The following PDLIM5 variants were observed in gnomAD, a reference collection of about 807,000 sequenced individuals.
PDLIM5 encodes the protein PDZ and LIM domain 5.
Under a neutral mutation model 64.2 loss-of-function variants are expected in PDLIM5, and 34 were observed. That is an observed-to-expected ratio of 0.53 (90% CI 0.40 to 0.71). The LOEUF (loss-of-function observed/expected upper bound fraction) is 0.71. Among genes scored for constraint, PDLIM5 ranks in the 30% least tolerant of loss-of-function variants. The pLI is 0.00. For synonymous variants in PDLIM5, 253 were observed against 269.1 expected, an observed-to-expected ratio of 0.94 and a Z score of 0.59; for missense variants, 683 against 733.6, an observed-to-expected ratio of 0.93 and a Z score of 0.80.
chr4:94,490,134 G>T (rs549783254), intron 2 of PDLIM5, among the ~76,000 whole-genome samples: 38 of 151,598 alleles, frequency 2.5e-4, no homozygotes, highest in Admixed American at 2.4e-3. Flanking sequence ...ACTGTGGGGG[G>T]TATAATCTTA....
At chr4:94,458,268 G>T (rs1308741076) in intron 2 of PDLIM5, among the ~76,000 whole-genome samples, 1 of 152,034 alleles carries the variant, frequency 6.6e-6, no homozygotes, top group Non-Finnish European at 1.5e-5. Flanking sequence ...TTAATTAATA[G>T]TATCAAGAAA....
At position 94,618,209 on chromosome 4, in the gene PDLIM5, C is replaced by G; in HGVS notation, c.1108+18C>G. 6.5e-7 allele frequency: 1 copy of G among 1,532,000 alleles called. No individual in the cohort carries two copies. The highest frequency in any genetic ancestry group is 1.2e-5 in the South Asian group (1 of 82,224). 94.9% of individuals were successfully genotyped at this position (1,532,000 alleles called of 1,614,324 possible). ...CCAAGGAGGTAGCCCAGAGAAATCT[C>G]TTGCGTCTTGCTTTTCGTAATGAGT... On this transcript the variant is annotated intron_variant, in intron 8 of 12. Transcript: ENST00000317968.
At chr4:94,463,093 A>T (rs1724043149) in intron 2 of PDLIM5, among the ~76,000 whole-genome samples, 1 of 152,156 alleles carries the variant, frequency 6.6e-6, no homozygotes, top group Non-Finnish European at 1.5e-5. Flanking sequence ...CTCTATCTTA[A>T]CCTATTACTC....
At chr4:94,632,601 T>G (rs1740245715) in intron 8 of PDLIM5, among the ~76,000 whole-genome samples, 1 of 152,156 alleles carries the variant, frequency 6.6e-6, no homozygotes, top group African/African-American at 2.4e-5. Flanking sequence ...TGTGACTATG[T>G]TATGTTATAT....
At chr4:94,648,265 A>AG (rs940000292) in intron 9 of PDLIM5, among the ~76,000 whole-genome samples, 5 of 152,122 alleles carry the variant, frequency 3.3e-5, no homozygotes, top group African/African-American at 1.2e-4. Context: ...TAAACTACCA[A>AG]GAAAAAAAAA....
chr4:94,547,137 A>G (rs954886754), intron 3 of PDLIM5, among the ~76,000 whole-genome samples: 2 of 152,120 alleles, frequency 1.3e-5, no homozygotes, highest in African/African-American at 4.8e-5. Flanking sequence ...TCCAAAAATT[A>G]TTTACCTGTG....
chr4:94,553,457 C>A (rs770916639), intron 3 of PDLIM5, among the ~76,000 whole-genome samples: 1 of 152,188 alleles, frequency 6.6e-6, no homozygotes, highest in Non-Finnish European at 1.5e-5. Context: ...TGCGATAGTA[C>A]TTCTCTTGCC....
chr4:94,456,570 G>A, intron 2 of PDLIM5: 1 of 707,114 alleles, frequency 1.4e-6, no homozygotes. Flanking sequence ...ATATAAGGAG[G>A]TATGTGTGTT....
At chr4:94,514,431 G>A (rs967680337) in intron 2 of PDLIM5, among the ~76,000 whole-genome samples, 3 of 152,096 alleles carry the variant, frequency 2.0e-5, no homozygotes, top group Non-Finnish European at 4.4e-5. Context: ...ACTTCGCCTG[G>A]CCTCGGTTTG....
At chr4:94,452,669 A>T (rs1229526304) in intron 1 of PDLIM5, among the ~76,000 whole-genome samples, 1 of 152,176 alleles carries the variant, frequency 6.6e-6, no homozygotes, top group Non-Finnish European at 1.5e-5. Flanking sequence ...GTTTTACAAT[A>T]AGTGGAAAAA....
At chr4:94,590,051 T>C (rs1191664397) in intron 7 of PDLIM5, among the ~76,000 whole-genome samples, 1 of 152,172 alleles carries the variant, frequency 6.6e-6, no homozygotes, top group Non-Finnish European at 1.5e-5. Context: ...AGTGCTGGGA[T>C]TACAGATGTG....
chr4:94,503,798 A>G (rs1034373534), intron 2 of PDLIM5, among the ~76,000 whole-genome samples: 3 of 151,986 alleles, frequency 2.0e-5, no homozygotes, highest in African/African-American at 7.2e-5. Context: ...TTATATTCTC[A>G]CTGTGTTCTG....
chr4:94,564,210 C>G (rs548809587), intron 3 of PDLIM5, among the ~76,000 whole-genome samples: 62 of 152,194 alleles, frequency 4.1e-4, no homozygotes, highest in Non-Finnish European at 7.9e-4. Context: ...GATCCACCCC[C>G]CTTGGCCTCC....
intron 2 of PDLIM5, among the ~76,000 whole-genome samples, chr4:94,492,203 G>A (rs959647179): frequency 6.6e-6 from 1 of 151,354 alleles, no homozygotes; most frequent in Non-Finnish European, 1.5e-5. Flanking sequence ...TCTTCAATGT[G>A]TTTGCTAGCT....
intron 3 of PDLIM5, among the ~76,000 whole-genome samples, chr4:94,546,491 A>AT (rs1732328670): frequency 1.3e-5 from 2 of 152,308 alleles, no homozygotes; most frequent in South Asian, 4.1e-4. Flanking sequence ...AACAAAAGCT[A>AT]TTAGGAAATC....
intron 3 of PDLIM5, among the ~76,000 whole-genome samples, chr4:94,537,554 A>G (rs1185509617): frequency 6.6e-6 from 1 of 152,168 alleles, no homozygotes; most frequent in Admixed American, 6.6e-5. Flanking sequence ...ATATGAGAGA[A>G]AAAGTGTTCA....
rs780836765 is a variant in PDLIM5 at position 94,657,520 on chromosome 4, G to A, written c.1558G>A (p.Glu520Lys). 21 of 1,610,918 alleles carry A rather than the reference G, an allele frequency of 1.3e-5. No homozygotes were observed. Among genetic ancestry groups the A allele is most frequent in the Non-Finnish European group, 1.7e-5 (20 of 1,177,342 alleles). ...KPIRNNVFHL[E>K]DGEPYCETDY... ...CATTCGGAACAATGTTTTTCACTTG[G>A]AGGATGGTGAACCCTACTGTGAGAC... The change falls in exon 11 of 13, where the codon GAG becomes AAG. Residue 520 changes from glutamate to lysine, a missense_variant. By Grantham distance (56) the Glu-to-Lys change is moderately conservative. Transcript: ENST00000317968.
chr4:94,566,227 T>G (rs1392808680), intron 3 of PDLIM5, among the ~76,000 whole-genome samples: 2 of 152,184 alleles, frequency 1.3e-5, no homozygotes, highest in Admixed American at 1.3e-4. Flanking sequence ...ATTAGCCTAT[T>G]TGGGCTTCTG....
At chr4:94,479,403 T>C (rs1378572134) in intron 2 of PDLIM5, among the ~76,000 whole-genome samples, 1 of 150,046 alleles carries the variant, frequency 6.7e-6, no homozygotes, top group Non-Finnish European at 1.5e-5. Context: ...CGTGGCTCAC[T>C]GCAGCCTTGA....
Sources: allele counts gnomAD v4.1 joint callset (sites outside exome capture counted in the v4.1 genomes callset), GRCh38; gene constraint gnomAD v4.1.1; transcripts MANE v1.5; gene names NCBI Gene and HGNC (gene_info 2026-07-23, HGNC 2026-07-21).